Variants in KIF21A observed in about 807,000 individuals in gnomAD.
KIF21A encodes kinesin-like protein KIF21A.
Under a neutral mutation model 202.9 loss-of-function variants are expected in KIF21A, and 114 were observed. The ratio of observed to expected loss-of-function variants is 0.56; its 90% CI spans 0.48 to 0.66. KIF21A has a LOEUF of 0.66. KIF21A is among the 30% of genes least tolerant of loss of function. The probability of loss-of-function intolerance (pLI) is 0.00; values close to 1 mark genes in which losing one functional copy is unlikely to be tolerated. For missense variants in KIF21A, 1,677 were observed against 1,994.9 expected (o/e 0.84, Z 3.04); for synonymous variants, 667 against 670.8 (o/e 0.99, Z 0.09).
At chr12:39,409,436 T>C (rs939243380) in intron 1 of KIF21A, among the ~76,000 whole-genome samples, 4 of 145,592 alleles carry the variant, frequency 2.7e-5, no homozygotes, top group Middle Eastern at 3.5e-3. Flanking sequence ...AGTGAGAGGA[T>C]TGTTTGAGCC....
rs74088365 is a variant in KIF21A at position 39,360,935 on chromosome 12, G to C, written c.1019+2163C>G. Among the ~76,000 whole-genome samples the C allele has an allele frequency of 3.7e-3, 556 of 152,234 alleles. 3 individuals are homozygous for C. Among genetic ancestry groups the C allele is most frequent in the African/African-American group, 0.013 (526 of 41,530 alleles). On this transcript the variant is annotated intron_variant, in intron 7 of 37. Transcript: ENST00000361418. ...AAAGTGAAGATATTTTGCTCTCCAA[G>C]GCTTACACAAAGTACAGTGCTTTTG... is the stretch of plus-strand genomic sequence containing the variant.
In KIF21A at chr12:39,442,343, A is replaced by C. The variant is rs1453743817; in HGVS notation, c.44+584T>G. 1.3e-5 allele frequency among the ~76,000 whole-genome samples: 2 copies of C among 151,712 alleles called. No individual in the cohort carries two copies. Among genetic ancestry groups the C allele is most frequent in the African/African-American group, 2.4e-5 (1 of 41,254 alleles). On this transcript the variant is annotated intron_variant, in intron 1 of 37. Coordinates refer to ENST00000361418, the MANE Select transcript of KIF21A (RefSeq NM_001173464.2). The surrounding 1 kb of genome is among the most constrained non-coding windows in gnomAD (Gnocchi z 5.0). ...GGCTAGATCTGTCTCCTCTACCCACACGCGGGGGCATGTCTAGATCCCCGT... is the reference window on the plus strand; with the variant it reads ...GGCTAGATCTGTCTCCTCTACCCACCCGCGGGGGCATGTCTAGATCCCCGT...
chr12:39,333,318 G>A (rs753905142), intron 17 of KIF21A, 38 bp from the exon 18 acceptor site: 1 of 1,341,470 alleles, frequency 7.5e-7, no homozygotes, highest in East Asian at 2.3e-5. Flanking sequence ...ATAGTAAAGT[G>A]AAAGATACAA....
intron 1 of KIF21A, among the ~76,000 whole-genome samples, chr12:39,441,659 G>GAAAAAAAAAAAAAAAAAAA (rs1939597826): frequency 8.6e-4 from 1 of 1,168 alleles, no homozygotes. Flanking sequence ...TCCCTGGGTG[G>GAAAAAAAAAAAAAAAAAAA]TAAAAAAAAA....
At chr12:39,344,843 T>C (rs1487597981) in intron 12 of KIF21A, among the ~76,000 whole-genome samples, 1 of 152,186 alleles carries the variant, frequency 6.6e-6, no homozygotes, top group African/African-American at 2.4e-5. Context: ...ATTTGTGCTT[T>C]ATATAGAATC....
chr12:39,430,994 A>G (rs530927733), intron 1 of KIF21A, among the ~76,000 whole-genome samples: 1 of 152,276 alleles, frequency 6.6e-6, no homozygotes, highest in South Asian at 2.1e-4. Context: ...TATTTTCTGT[A>G]TAAGTCGTCC....
At chr12:39,412,826 G>A (rs1413595482) in intron 1 of KIF21A, among the ~76,000 whole-genome samples, 3 of 152,112 alleles carry the variant, frequency 2.0e-5, no homozygotes, top group Non-Finnish European at 1.5e-5. Context: ...TGAGTCCCAC[G>A]TCAAGCCCTC....
At chr12:39,360,349 T>C (rs1949114022) in intron 7 of KIF21A, among the ~76,000 whole-genome samples, 1 of 152,096 alleles carries the variant, frequency 6.6e-6, no homozygotes, top group Admixed American at 6.5e-5. Flanking sequence ...CTTGAAAATG[T>C]ATCACAATGT....
Position 39,322,929 on chromosome 12 carries a change from T to C in KIF21A, c.3457-47A>G, listed in dbSNP as rs369463935. 241 of 1,393,838 alleles carry C rather than the reference T, an allele frequency of 1.7e-4. 2 individuals carry two copies. In the South Asian group the frequency reaches 2.0e-3, roughly 12 times the overall value. The allele number at this position is 1,393,838 out of a possible 1,614,324, so 86.3% of individuals were successfully genotyped here. On this transcript the variant is annotated intron_variant, in intron 26 of 37. Transcript: ENST00000361418. ...AAGCAATCAGGAGCAAACTCTTGCA[T>C]AGAAGCTGATTAGAGAACAGAGATT...
chr12:39,396,996 AT>A (rs1391867460), intron 1 of KIF21A, among the ~76,000 whole-genome samples: 2 of 152,212 alleles, frequency 1.3e-5, no homozygotes, highest in African/African-American at 2.4e-5. Context: ...TATTTAAAAA[AT>A]TTCTAGAAAA....
rs775439890 is a variant in KIF21A at position 39,370,205 on chromosome 12, A to G, written c.101T>C (p.Val34Ala). The G allele has an allele frequency of 1.9e-6, 3 of 1,613,676 alleles. No individual in the cohort carries two copies. The African/African-American group carries it at 4.0e-5, about 22-fold the overall frequency. The change falls in exon 2 of 38, where the codon GTC becomes GCC. Residue 34 changes from valine to alanine, a missense_variant. Around this residue, in one of 3 missense-constraint regions of KIF21A, gnomAD observed 966 missense variants for 1,180.9 expected, o/e 0.82. Coordinates refer to ENST00000361418, the MANE Select transcript of KIF21A (RefSeq NM_001173464.2). ...GAAGACCTGAGGCTCTCCTGGTGTG[A>G]CAGATGTACAAATATGGCATCCTTC... ...KIEGCHICTS[V>A]TPGEPQVFLG...
intron 1 of KIF21A, among the ~76,000 whole-genome samples, chr12:39,386,066 G>A (rs1950924978): frequency 6.6e-6 from 1 of 151,892 alleles, no homozygotes; most frequent in South Asian, 2.1e-4. Flanking sequence ...CCTATGTTTT[G>A]TGGCATAAAT....
chr12:39,307,281 C>T (rs1273996236), intron 34 of KIF21A, among the ~76,000 whole-genome samples: 1 of 152,018 alleles, frequency 6.6e-6, no homozygotes, highest in African/African-American at 2.4e-5. Context: ...TCCTAGTAAA[C>T]AACATGACTT....
In KIF21A at chr12:39,323,361, T is replaced by TA. The variant is rs1364049717; in HGVS notation, c.3457-480_3457-479insT. Among the ~76,000 whole-genome samples, 3 of 151,676 alleles carry TA rather than the reference T, an allele frequency of 2.0e-5. No individual in the cohort carries two copies. In the East Asian group the frequency reaches 5.8e-4, roughly 29 times the overall value. On this transcript the variant is annotated intron_variant, in intron 26 of 37. Transcript: ENST00000361418. ...AAAAAGAAGAAGAAGAAGAAAGACA[T>TA]TAAACCAAAAGATAATTGCAGGAAA...
chr12:39,413,816 C>CT (rs1206630151), intron 1 of KIF21A, among the ~76,000 whole-genome samples: 1 of 151,954 alleles, frequency 6.6e-6, no homozygotes, highest in African/African-American at 2.4e-5. Context: ...GTAGCCTCCT[C>CT]TTTTTTTGCC....
intron 29 of KIF21A, among the ~76,000 whole-genome samples, chr12:39,316,726 G>GATATGGTTGCTTCAAAA (rs912365394): frequency 2.6e-5 from 4 of 152,186 alleles, no homozygotes; most frequent in African/African-American, 7.2e-5. Context: ...TTGCTAGTGG[G>GATATGGTTGCTTCAAAA]ATATGGTTGC....
chr12:39,311,317 C>T, intron 32 of KIF21A, 100 bp downstream of exon 32: 2 of 1,079,172 alleles, frequency 1.9e-6, no homozygotes, highest in Non-Finnish European at 2.7e-6. Flanking sequence ...CCGATTCTTT[C>T]TGGTCTTAAA....
Position 39,303,055 on chromosome 12 carries a change from T to G in KIF21A, c.4641A>C (p.Glu1547Asp). 6.2e-7 allele frequency: 1 copy of G among 1,613,888 alleles called. No individual in the cohort carries two copies. The change falls in exon 36 of 38, where the codon GAA (glutamate) becomes GAC (aspartate). Residue 1547 changes from glutamate (E) to aspartate (D), a missense_variant. Coordinates refer to ENST00000361418, the MANE Select transcript of KIF21A (RefSeq NM_001173464.2). Reference protein sequence around the residue: ...NFEPPHYDGIEALTIQGDNLF... With the variant: ...NFEPPHYDGIDALTIQGDNLF... The stretch of plus-strand genomic sequence containing the variant: ...GGTTATCCCCTTGAATGGTTAGTGC[T>G]TCTATGCCATCATAATGAGGGGGTT...
At chr12:39,346,141 T>G (rs11171794) in intron 12 of KIF21A, among the ~76,000 whole-genome samples, 12,442 of 152,088 alleles carry the variant, frequency 0.082, 646 homozygotes, top group South Asian at 0.28. Flanking sequence ...TTTCTTTTTT[T>G]AATAAATCAA....
Sources: gnomAD v4.1 joint callset for allele counts (sites outside exome capture counted in the v4.1 genomes callset) on GRCh38, gnomAD v4.1.1 for gene constraint, gnomAD v4.1.1 regional missense constraint, Gnocchi (gnomAD v3.1) non-coding constraint, MANE v1.5 for transcripts, NCBI Gene and HGNC (gene_info 2026-07-23, HGNC 2026-07-21) for gene names.